The following ZMIZ1 variants were observed in gnomAD, a reference collection of about 807,000 sequenced individuals.
ZMIZ1 encodes zinc finger MIZ domain-containing protein 1.
ZMIZ1 carries 17 observed loss-of-function variants against 113.9 expected under a neutral mutation model. That is an observed-to-expected ratio of 0.15 (90% CI 0.10 to 0.22). The LOEUF (loss-of-function observed/expected upper bound fraction) is 0.22, where lower values mean the gene tolerates loss of function less well. Among genes scored for constraint, ZMIZ1 ranks in the 10% least tolerant of loss-of-function variants. The pLI, the probability that ZMIZ1 is intolerant of heterozygous loss-of-function variation, is 1.00. For synonymous variants in ZMIZ1, 607 were observed against 603.1 expected (o/e 1.01, Z -0.09); for missense variants, 1,059 against 1,477.8 (o/e 0.72, Z 4.65).
chr10:79,078,568 G>A (rs1842553566), intron 1 of ZMIZ1, among the ~76,000 whole-genome samples: 1 of 82,786 alleles, frequency 1.2e-5, no homozygotes, highest in Admixed American at 1.2e-4. Flanking sequence ...ACCCACCCCC[G>A]ACTTTTTTTT....
intron 7 of ZMIZ1, among the ~76,000 whole-genome samples, chr10:79,237,786 A>G (rs1849651963): frequency 6.6e-6 from 1 of 151,964 alleles, no homozygotes; most frequent in Admixed American, 6.5e-5. Flanking sequence ...GACACAGTTC[A>G]CTCCCTAACA....
rs941216963 is a variant in ZMIZ1, at chr10:79,296,770, G to A, written c.1413+117G>A. On this transcript the variant is annotated intron_variant, in intron 13 of 24. Transcript: ENST00000334512. This position sits in a 1 kb window ranked among gnomAD's most constrained non-coding sequence, Gnocchi z 4.1. ...GTGTTTGCCCCAAGGACAGCGAGGG[G>A]TGGGTGATTTCTGAACGTCCCCATG... is the stretch of plus-strand genomic sequence containing the variant. 9.2e-7 allele frequency: 1 copy of A among 1,082,650 alleles called. No homozygotes were observed. Among genetic ancestry groups the A allele is most frequent in the Non-Finnish European group, 1.3e-6 (1 of 781,972 alleles). The allele number at this position is 1,082,650 out of a possible 1,614,324, so 67.1% of individuals were successfully genotyped here. A position where few individuals can be genotyped will look rare whatever the true frequency, so the allele number is the denominator to read the frequency against.
chr10:79,182,610 A>G (rs1035027751), intron 4 of ZMIZ1, among the ~76,000 whole-genome samples: 1 of 152,194 alleles, frequency 6.6e-6, no homozygotes, highest in East Asian at 1.9e-4. Context: ...TCTGGGGGAA[A>G]GTGGGTAAGC....
Position 79,072,070 on chromosome 10 carries a change from GAAATT to G in ZMIZ1, c.-337+2801_-337+2805del, listed in dbSNP as rs754079007. Among the ~76,000 whole-genome samples, 40 of 152,128 alleles carry G rather than the reference GAAATT, an allele frequency of 2.6e-4. 1 individual carries two copies. Among genetic ancestry groups the G allele is most frequent in the Non-Finnish European group, 5.3e-4 (36 of 68,028 alleles). On this transcript the variant is annotated intron_variant, in intron 1 of 24. Transcript: ENST00000334512. The stretch of plus-strand genomic sequence containing the variant: ...GCTTACTGAGAAGAGTTGGGAATAA[GAAATT>G]GCTGGACTTATGAATAAATAGCCTT...
At chr10:79,307,646 C>A in intron 23 of ZMIZ1, 75 bp downstream of exon 23, 2 of 1,497,026 alleles carry the variant, frequency 1.3e-6, no homozygotes, top group Admixed American at 2.1e-5. Flanking sequence ...ATACCCTGTT[C>A]CCTCCCAGGC....
chr10:79,094,470 T>A (rs1843105021), intron 1 of ZMIZ1, among the ~76,000 whole-genome samples: 1 of 152,254 alleles, frequency 6.6e-6, no homozygotes, highest in African/African-American at 2.4e-5. Flanking sequence ...TACTTTGGCT[T>A]TCTAGAGCCA....
intron 10 of ZMIZ1, 90 bp from the exon 11 acceptor site, chr10:79,292,068 C>A: frequency 7.7e-7 from 1 of 1,295,096 alleles, no homozygotes. Flanking sequence ...CTGGGTACAG[C>A]TCCATCATCT....
chr10:79,103,770 T>G (rs1318831959), intron 1 of ZMIZ1, among the ~76,000 whole-genome samples: 1 of 152,026 alleles, frequency 6.6e-6, no homozygotes, highest in Non-Finnish European at 1.5e-5. Context: ...AGTGCTTCCC[T>G]GGGGGCCTGG....
At chr10:79,216,638 A>G (rs2132714707) in intron 7 of ZMIZ1, among the ~76,000 whole-genome samples, 1 of 152,314 alleles carries the variant, frequency 6.6e-6, no homozygotes, top group Middle Eastern at 3.4e-3. Context: ...GAGGAAACTG[A>G]GGCTCACAAA....
At chr10:79,115,177 C>T (rs1843968130) in intron 1 of ZMIZ1, among the ~76,000 whole-genome samples, 1 of 152,176 alleles carries the variant, frequency 6.6e-6, no homozygotes, top group South Asian at 2.1e-4. Context: ...GAATGAGGTA[C>T]TCACCACCTC....
intron 17 of ZMIZ1, 79 bp downstream of exon 17, chr10:79,301,021 C>T (rs184141804): frequency 3.0e-5 from 47 of 1,554,858 alleles, no homozygotes; most frequent in Non-Finnish European, 9.5e-6. Context: ...TACCCTGCCC[C>T]ACTCTGGTCC....
chr10:79,314,078 T>TCCTCCACC lies in ZMIZ1; in HGVS notation c.*1330_*1337dup, dbSNP rs1161636620. 1 of 456,808 alleles carries TCCTCCACC rather than the reference T, an allele frequency of 2.2e-6. No individual in the cohort carries two copies. Among genetic ancestry groups the TCCTCCACC allele is most frequent in the Non-Finnish European group, 4.4e-6 (1 of 226,994 alleles). The allele number at this position is 456,808 out of a possible 1,614,324, so 28.3% of individuals were successfully genotyped here. The stretch of plus-strand genomic sequence containing the variant: ...GGCTGCCAGCCTACCCTGCCTGCAC[T>TCCTCCACC]CCTCCACCATCACAATCTCACCCAA... On this transcript the variant is annotated 3_prime_UTR_variant, in exon 25 of 25. Coordinates refer to ENST00000334512, the MANE Select transcript of ZMIZ1 (RefSeq NM_020338.4).
intron 2 of ZMIZ1, among the ~76,000 whole-genome samples, chr10:79,121,592 C>T (rs1253432115): frequency 5.3e-5 from 8 of 152,180 alleles, no homozygotes; most frequent in Admixed American, 5.2e-4. Context: ...TCTGGGGTAC[C>T]CAAGAGGCTT....
At position 79,146,974 on chromosome 10, in the gene ZMIZ1, A is replaced by G. The variant is rs2485697; in HGVS notation, c.-131+7197A>G. 9.5e-3 allele frequency among the ~76,000 whole-genome samples: 608 copies of G among 63,728 alleles called. 5 individuals carry two copies. The highest frequency in any genetic ancestry group is 0.035 in the South Asian group (62 of 1,762). The allele number at this position is 63,728 out of a possible 152,430, so 41.8% of individuals were successfully genotyped here. On this transcript the variant is annotated intron_variant, in intron 3 of 24. Coordinates refer to ENST00000334512, the MANE Select transcript of ZMIZ1 (RefSeq NM_020338.4). ...TGTGTGTGTGTGTGTGTGTGTGTGT[A>G]TATCCCTGTCCCTGGCCAAGGAAAC...
chr10:79,125,019 C>A (rs1844453019), intron 2 of ZMIZ1, among the ~76,000 whole-genome samples: 1 of 152,156 alleles, frequency 6.6e-6, no homozygotes, highest in Non-Finnish European at 1.5e-5. Context: ...CTTAGTTCAC[C>A]CAGGAACTGT....
At chr10:79,262,332 A>G (rs11002899) in intron 7 of ZMIZ1, among the ~76,000 whole-genome samples, 1 of 152,158 alleles carries the variant, frequency 6.6e-6, no homozygotes, top group Non-Finnish European at 1.5e-5. Flanking sequence ...CCCAACATGC[A>G]TGTGTTTTAA....
intron 8 of ZMIZ1, among the ~76,000 whole-genome samples, chr10:79,282,721 A>G (rs1243617338): frequency 6.6e-6 from 1 of 152,218 alleles, no homozygotes; most frequent in Non-Finnish European, 1.5e-5. Flanking sequence ...TCAGGCTGCC[A>G]TAGCCCCGCA....
chr10:79,293,734 A>G (rs1425446303), intron 12 of ZMIZ1, 81 bp downstream of exon 12: 4 of 1,603,266 alleles, frequency 2.5e-6, no homozygotes, highest in Non-Finnish European at 3.4e-6. Context: ...ACGGCTTTGG[A>G]AGGGGTGTGG....
At chr10:79,082,794 C>T (rs748072739) in intron 1 of ZMIZ1, among the ~76,000 whole-genome samples, 4 of 152,192 alleles carry the variant, frequency 2.6e-5, no homozygotes, top group South Asian at 2.1e-4. Context: ...GGCCCTGCGT[C>T]ACTTCCAGTT....
Sources: allele counts gnomAD v4.1 joint callset (sites outside exome capture counted in the v4.1 genomes callset), GRCh38; gene constraint gnomAD v4.1.1; non-coding constraint Gnocchi (gnomAD v3.1); transcripts MANE v1.5; gene names NCBI Gene and HGNC (gene_info 2026-07-23, HGNC 2026-07-21).